MAP3K15: variants seen among roughly 807,000 people sequenced by gnomAD.
MAP3K15 encodes the protein MAPK/ERK kinase kinase 15.
Under a neutral mutation model 99.5 loss-of-function variants are expected in MAP3K15, and 124 were observed. The ratio of observed to expected loss-of-function variants is 1.25; its 90% confidence interval spans 1.08 to 1.45. MAP3K15 has a LOEUF of 1.45. Ranked by LOEUF, MAP3K15 falls within the 40% of genes most tolerant of loss-of-function variation. The probability of loss-of-function intolerance (pLI) is 0.00; values close to 1 mark genes in which losing one functional copy is unlikely to be tolerated. For synonymous variants in MAP3K15, 494 were observed against 439.6 expected (o/e 1.12, Z -1.55); for missense variants, 1,242 against 1,079.7 (o/e 1.15, Z -2.11).
At chrX:19,445,067 T>A (rs900904335) in intron 6 of MAP3K15, among the ~76,000 whole-genome samples, 20 of 110,753 alleles carry the variant, frequency 1.8e-4, no homozygotes, top group African/African-American at 6.2e-4. Context: ...CTCCCCAAAC[T>A]CCTCAACACT....
intron 1 of MAP3K15, among the ~76,000 whole-genome samples, chrX:19,510,415 G>A (rs774317949): frequency 4.5e-5 from 5 of 111,720 alleles, no homozygotes; most frequent in Admixed American, 1.9e-4. Context: ...AAACATAATC[G>A]ATCACATAAA....
intron 6 of MAP3K15, among the ~76,000 whole-genome samples, chrX:19,451,669 A>T (rs2064039838): frequency 9.1e-6 from 1 of 110,163 alleles, no homozygotes; most frequent in South Asian, 3.9e-4. Flanking sequence ...AAAAAAAGGA[A>T]AACAGAAAAT....
intron 4 of MAP3K15, among the ~76,000 whole-genome samples, chrX:19,460,767 T>C (rs1256747326): frequency 1.8e-5 from 2 of 110,155 alleles, no homozygotes; most frequent in African/African-American, 6.6e-5. Flanking sequence ...TTTTGTTTTT[T>C]TTTTTTTATT....
At chrX:19,463,596 TC>T (rs2064145883) in intron 4 of MAP3K15, among the ~76,000 whole-genome samples, 1 of 111,989 alleles carries the variant, frequency 8.9e-6, no homozygotes, top group Non-Finnish European at 1.9e-5. Flanking sequence ...GCACTGAGGC[TC>T]CAATAGGTGA....
At chrX:19,486,433 C>G in intron 3 of MAP3K15, 49 bp downstream of exon 3, 1 of 588,790 alleles carries the variant, frequency 1.7e-6, no homozygotes, top group Non-Finnish European at 2.5e-6. Context: ...TACAAATTGA[C>G]ATTTACATTT....
intron 9 of MAP3K15, among the ~76,000 whole-genome samples, chrX:19,424,187 T>C (rs1316198139): frequency 2.0e-5 from 2 of 100,123 alleles, no homozygotes; most frequent in Admixed American, 2.1e-4. Flanking sequence ...GCAAATCATG[T>C]ATATATACAC....
chrX:19,366,773 C>T (rs1047789307), intron 25 of MAP3K15, among the ~76,000 whole-genome samples: 4 of 112,013 alleles, frequency 3.6e-5, no homozygotes, highest in Non-Finnish European at 7.5e-5. Context: ...GACTAATACA[C>T]ACAAGGACAA....
chrX:19,416,693 T>C (rs1027072213), intron 9 of MAP3K15, among the ~76,000 whole-genome samples: 6 of 112,351 alleles, frequency 5.3e-5, no homozygotes, highest in African/African-American at 1.6e-4. Context: ...AGGAAATTCA[T>C]GAAGCCGTCA....
At position 19,372,813 on chromosome X, in the gene MAP3K15, C is replaced by G. The variant is rs1292188901; in HGVS notation, c.2948G>C (p.Ser983Thr). Residue 983 changes from serine to threonine, a missense_variant, in exon 22 of 29, where the codon AGC (serine) becomes ACC (threonine). Physicochemically the swap from Ser to Thr is moderately conservative, Grantham distance 58 (BLOSUM62 1). Coordinates refer to ENST00000338883, the MANE Select transcript of MAP3K15 (RefSeq NM_001001671.4). ...LGHLLSVPDE[S>T]SALEDRGLAS... ...CAAGCCCCGGTCTTCCAAGGCTGAG[C>G]TCTCGTCTGGAACACTGTGGACAAA... is the stretch of plus-strand genomic sequence containing the variant. The G allele has an allele frequency of 3.3e-6, 4 of 1,209,199 alleles. No homozygotes were observed. Among genetic ancestry groups the G allele is most frequent in the Non-Finnish European group, 4.5e-6 (4 of 894,106 alleles).
chrX:19,447,809 G>A lies in MAP3K15; in HGVS notation c.995+9104C>T, dbSNP rs898141943. ...TGAGGCAGGAGAATGGCGTGAACCC[G>A]GGAGGCGGAGCTTGCAGTGAGCCGA... On this transcript the variant is annotated intron_variant, in intron 6 of 28. Coordinates refer to ENST00000338883, the MANE Select transcript of MAP3K15 (RefSeq NM_001001671.4). Among the ~76,000 whole-genome samples the A allele has an allele frequency of 2.0e-4, 18 of 88,125 alleles. 2 individuals are homozygous for A. Among genetic ancestry groups the A allele is most frequent in the Non-Finnish European group, 3.7e-4 (16 of 43,547 alleles). The allele number at this position is 88,125 out of a possible 115,157, so 76.5% of individuals were successfully genotyped here.
At chrX:19,464,503 C>T (rs1358200078) in intron 3 of MAP3K15, 97 bp from the exon 4 acceptor site, 5 of 612,562 alleles carry the variant, frequency 8.2e-6, no homozygotes, top group Non-Finnish European at 1.2e-5. Flanking sequence ...GGAGAAAATA[C>T]TTGAGGATGA....
chrX:19,512,831 T>C (rs1351740861), intron 1 of MAP3K15, among the ~76,000 whole-genome samples: 1 of 111,155 alleles, frequency 9.0e-6, no homozygotes, highest in African/African-American at 3.3e-5. Flanking sequence ...TCAGTTTAAC[T>C]GTCAAGAGCC....
At chrX:19,470,353 A>G (rs1451387107) in intron 3 of MAP3K15, among the ~76,000 whole-genome samples, 1 of 110,833 alleles carries the variant, frequency 9.0e-6, no homozygotes, top group Admixed American at 9.6e-5. Context: ...ATGAACAATG[A>G]GAACACATGG....
chrX:19,417,271 G>A (rs748310461), intron 9 of MAP3K15, among the ~76,000 whole-genome samples: 1 of 112,667 alleles, frequency 8.9e-6, no homozygotes, highest in East Asian at 2.8e-4. Context: ...GAAGCACAAG[G>A]GGTCAGGGAA....
chrX:19,363,845 G>T (rs752573413), intron 25 of MAP3K15, among the ~76,000 whole-genome samples: 2 of 110,613 alleles, frequency 1.8e-5, no homozygotes, highest in East Asian at 5.7e-4. Flanking sequence ...TAGAGACAGG[G>T]TTACACCATA....
intron 18 of MAP3K15, among the ~76,000 whole-genome samples, chrX:19,386,434 C>T (rs1047557348): frequency 3.6e-5 from 4 of 111,204 alleles, no homozygotes; most frequent in Non-Finnish European, 5.7e-5. Flanking sequence ...CCAGCCTGGG[C>T]GACAGAGTAA....
Position 19,468,236 on chromosome X carries a change from T to C in MAP3K15, c.526-3830A>G, listed in dbSNP as rs1486580333. Among the ~76,000 whole-genome samples the C allele has an allele frequency of 3.6e-5, 4 of 111,926 alleles. No individual in the cohort carries two copies. The South Asian group carries it at 1.1e-3, about 31-fold the overall frequency. On this transcript the variant is annotated intron_variant, in intron 3 of 28. Coordinates refer to ENST00000338883, the MANE Select transcript of MAP3K15 (RefSeq NM_001001671.4). ...CTCTGTGATAGGAATATGTAAAGGG[T>C]AGACCAGCTAGAAGTTTAACAGAGA...
chrX:19,489,731 A>C (rs1350052871), intron 1 of MAP3K15, among the ~76,000 whole-genome samples: 2 of 110,968 alleles, frequency 1.8e-5, no homozygotes, highest in Non-Finnish European at 3.8e-5. Flanking sequence ...CCTAGTCTCC[A>C]TAATTATGAG....
chrX:19,431,383 G>A, intron 7 of MAP3K15, 55 bp downstream of exon 7: 1 of 1,105,937 alleles, frequency 9.0e-7, no homozygotes, highest in Admixed American at 2.2e-5. Context: ...CTTAGCCTAT[G>A]CGATTCTGTT....
Sources: allele counts gnomAD v4.1 joint callset (sites outside exome capture counted in the v4.1 genomes callset), GRCh38; gene constraint gnomAD v4.1.1; transcripts MANE v1.5; gene names NCBI Gene and HGNC (gene_info 2026-07-23, HGNC 2026-07-21).